Variants in DRP2 observed in about 807,000 individuals in gnomAD.
DRP2 encodes dystrophin related protein 2.
In DRP2, 29 loss-of-function variants were observed where a neutral mutation model predicts 78.2. The observed-to-expected ratio is 0.37, with a 90% confidence interval of 0.28 to 0.51. DRP2 has a LOEUF of 0.51. DRP2 is among the 20% of genes least tolerant of loss of function. The pLI, the probability that DRP2 is intolerant of heterozygous loss-of-function variation, is 0.94. For synonymous variants in DRP2, 290 were observed against 281.9 expected, an observed-to-expected ratio of 1.03 and a Z score of -0.29; for missense variants, 686 against 770.6, an observed-to-expected ratio of 0.89 and a Z score of 1.30.
chrX:101,241,545 C>T, intron 6 of DRP2, 123 bp from the exon 7 acceptor site: 1 of 789,862 alleles, frequency 1.3e-6, no homozygotes, highest in Non-Finnish European at 1.8e-6. Context: ...TGAATATATA[C>T]ACAAACATGC....
rs144380116 is a variant in DRP2, at chrX:101,257,187, G to T, written c.2390+926G>T. Among the ~76,000 whole-genome samples, 475 of 109,710 alleles carry T rather than the reference G, an allele frequency of 4.3e-3. 1 individual carries two copies. Among genetic ancestry groups the T allele is most frequent in the African/African-American group, 0.014 (436 of 30,117 alleles). ...AGAATTCGTAGTACCCCTTAGAGCA[G>T]TGCTTTGCAAACAGTAGTGCATAAG... On this transcript the variant is annotated intron_variant, in intron 21 of 23. Coordinates refer to ENST00000395209, the MANE Select transcript of DRP2 (RefSeq NM_001939.3).
intron 3 of DRP2, 87 bp from the exon 4 acceptor site, chrX:101,235,773 T>C (rs1340557504): frequency 1.0e-6 from 1 of 979,592 alleles, no homozygotes; most frequent in Non-Finnish European, 1.4e-6. Flanking sequence ...TTCTCTCCCC[T>C]TGTTCACACT....
intron 22 of DRP2, among the ~76,000 whole-genome samples, chrX:101,259,754 T>C (rs1923477227): frequency 2.7e-5 from 3 of 111,970 alleles, no homozygotes; most frequent in Admixed American, 1.9e-4. Flanking sequence ...TGCGTCAGCC[T>C]CCCAAAGTGC....
At chrX:101,259,715 C>T (rs1376911718) in intron 22 of DRP2, among the ~76,000 whole-genome samples, 2 of 111,472 alleles carry the variant, frequency 1.8e-5, no homozygotes, top group African/African-American at 6.5e-5. Flanking sequence ...TTAGGCTGGT[C>T]TTGAACTCCT....
chrX:101,228,201 C>G (rs761208961), intron 2 of DRP2, among the ~76,000 whole-genome samples: 10 of 111,827 alleles, frequency 8.9e-5, no homozygotes, highest in Admixed American at 8.6e-4. Flanking sequence ...GGAATTCTCC[C>G]TTATAGGCAA....
intron 14 of DRP2, 68 bp from the exon 15 acceptor site, chrX:101,250,355 C>T: frequency 8.4e-7 from 1 of 1,196,158 alleles, no homozygotes; most frequent in Admixed American, 2.2e-5. Context: ...CTTTTCTGCC[C>T]TTTCTCCTCA....
rs149467892 is a variant in DRP2 at position 101,255,272 on chromosome X, T to C, written c.2246+23T>C. On this transcript the variant is annotated intron_variant, in intron 20 of 23. Transcript: ENST00000395209. ...CATGTGAGTTTCCACAGCTGCTTAT[T>C]TGCCAGAAATAGTTCTCCTTGAGAT... is the stretch of plus-strand genomic sequence containing the variant. 1,157 of 1,192,884 alleles carry C rather than the reference T, an allele frequency of 9.7e-4. 3 individuals carry two copies. In the African/African-American group the frequency reaches 0.015, roughly 16 times the overall value.
intron 20 of DRP2, 135 bp from the exon 21 acceptor site, chrX:101,255,983 T>C: frequency 1.2e-6 from 1 of 818,490 alleles, no homozygotes; most frequent in Non-Finnish European, 1.6e-6. Context: ...CAAGCCTCAG[T>C]ATATGTCCTT....
In DRP2 at chrX:101,224,724, C is replaced by T. The variant is rs1569507580; in HGVS notation, c.-64+18C>T. 1.8e-5 allele frequency: 2 copies of T among 111,595 alleles called. No individual in the cohort carries two copies. Among genetic ancestry groups the T allele is most frequent in the African/African-American group, 6.7e-5 (2 of 29,913 alleles). 9.2% of individuals were successfully genotyped at this position (111,595 alleles called of 1,213,427 possible). On this transcript the variant is annotated intron_variant, in intron 2 of 23. Coordinates refer to ENST00000395209, the MANE Select transcript of DRP2 (RefSeq NM_001939.3). ...GCTAAGAGGTAGGTCTTTTTGTTAT[C>T]CCTGTTTCACAGATGTGGGGACTGG...
At chrX:101,239,387 C>CA (rs1372932419) in intron 6 of DRP2, among the ~76,000 whole-genome samples, 1 of 111,197 alleles carries the variant, frequency 9.0e-6, no homozygotes. Flanking sequence ...AAAAGAAAAA[C>CA]AAAAAACCAC....
In DRP2 at chrX:101,242,430, C is replaced by T; in HGVS notation, c.934C>T (p.Gln312Ter). ...TGTGCACTTGTCAATGGAGAATTCC[C>T]AGGCCCTGGAACAGATCAACGTCCG... Reference protein sequence around the residue: ...SDVHLSMENSQALEQINVRWK... With the variant: ...SDVHLSMENS Residue 312 changes from glutamine (Q) to a stop codon, truncating the protein, a stop_gained, in exon 8 of 24, where the codon CAG (glutamine) becomes TAG (stop). Transcript: ENST00000395209. LOFTEE classifies it high-confidence loss of function. 8.3e-7 allele frequency: 1 copy of T among 1,211,575 alleles called. No individual in the cohort carries two copies. Among genetic ancestry groups the T allele is most frequent in the Non-Finnish European group, 1.1e-6 (1 of 895,521 alleles).
At chrX:101,245,215 G>A in intron 10 of DRP2, 138 bp downstream of exon 10, 1 of 816,185 alleles carries the variant, frequency 1.2e-6, no homozygotes, top group East Asian at 3.2e-5. Context: ...CTCATCTCAA[G>A]ATCTCAAGAT....
At position 101,219,930 on chromosome X, in the gene DRP2, G is replaced by T. The variant is rs181644010; in HGVS notation, c.-383G>T. On this transcript the variant is annotated 5_prime_UTR_variant, in exon 1 of 24. Coordinates refer to ENST00000395209, the MANE Select transcript of DRP2 (RefSeq NM_001939.3). Reference sequence around the variant, plus strand: ...GGTCGGAATGATGCTGTTAGTCCTGGTGATATGATTGCATAGCAACACAGA... The same window carrying T: ...GGTCGGAATGATGCTGTTAGTCCTGTTGATATGATTGCATAGCAACACAGA... 1 of 111,342 alleles carries T rather than the reference G, an allele frequency of 9.0e-6. No homozygotes were observed. The allele number at this position is 111,342 out of a possible 1,213,427, so 9.2% of individuals were successfully genotyped here. A position where few individuals can be genotyped will look rare whatever the true frequency, so the allele number is the denominator to read the frequency against.
rs1205731520 is a variant in DRP2 at position 101,263,311 on chromosome X, A to G, written c.*2690A>G. 8.9e-6 allele frequency: 1 copy of G among 112,246 alleles called. No homozygotes were observed. The highest frequency in any genetic ancestry group is 3.2e-5 in the African/African-American group (1 of 30,852). 9.3% of individuals were successfully genotyped at this position (112,246 alleles called of 1,213,427 possible). On this transcript the variant is annotated 3_prime_UTR_variant, in exon 24 of 24. Transcript: ENST00000395209. ...TATTAGTCTTCTAAGGATATTGTGC[A>G]TGGCACTGTGTAGTTTATAGCCCTA... is the stretch of plus-strand genomic sequence containing the variant.
chrX:101,221,379 G>A (rs1040922014), intron 1 of DRP2, among the ~76,000 whole-genome samples: 5 of 112,215 alleles, frequency 4.5e-5, no homozygotes, highest in Non-Finnish European at 7.5e-5. Flanking sequence ...TAAGGTTTGC[G>A]TGGGGAGATG....
intron 23 of DRP2, 152 bp from the exon 24 acceptor site, chrX:101,260,345 A>C: frequency 1.1e-6 from 1 of 928,729 alleles, no homozygotes; most frequent in Non-Finnish European, 1.5e-6. Flanking sequence ...AAATAAATAT[A>C]CATTGAGCAC....
chrX:101,254,433 C>G lies in DRP2; in HGVS notation c.1986C>G (p.Ser662=), dbSNP rs773451637. 57 of 1,210,000 alleles carry G rather than the reference C, an allele frequency of 4.7e-5. No individual in the cohort carries two copies. Among genetic ancestry groups the G allele is most frequent in the Non-Finnish European group, 5.7e-5 (51 of 895,238 alleles). ...CCCTGTCTCCTCCTCAGACCACATC[C>G]AGTGAGAACATGAGGGACTTTGCCA... ...PIMEYYTPTT[S]SENMRDFATT... is the part of the protein sequence containing the mutation. Residue 662 remains serine (S), a synonymous_variant, in exon 18 of 24, where the codon TCC becomes TCG. Transcript: ENST00000395209.
In DRP2 at chrX:101,237,730, A is replaced by G. The variant is rs770353287; in HGVS notation, c.393A>G (p.Leu131=). 7 of 1,169,921 alleles carry G rather than the reference A, an allele frequency of 6.0e-6. No individual in the cohort carries two copies. Among genetic ancestry groups the G allele is most frequent in the Non-Finnish European group, 6.9e-6 (6 of 869,606 alleles). Residue 131 remains leucine (L), a synonymous_variant, in exon 5 of 24, where the codon CTA becomes CTG. Coordinates refer to ENST00000395209, the MANE Select transcript of DRP2 (RefSeq NM_001939.3). ...AGGAGTTGTCAGCTCAGCTGCCCCT[A>G]CAGGGGGATGTGGCCCTGGTGCAAC... ...KDEELSAQLP[L]QGDVALVQQE...
At chrX:101,251,202 C>A in intron 16 of DRP2, 119 bp downstream of exon 16, 1 of 659,140 alleles carries the variant, frequency 1.5e-6, no homozygotes, top group Non-Finnish European at 2.2e-6. Flanking sequence ...GTCTATTGTA[C>A]ATTATTATAT....
Sources: allele counts gnomAD v4.1 joint callset (sites outside exome capture counted in the v4.1 genomes callset), GRCh38; gene constraint gnomAD v4.1.1; transcripts MANE v1.5; gene names NCBI Gene and HGNC (gene_info 2026-07-23, HGNC 2026-07-21).